Variants in GPRC5B observed in about 807,000 individuals in gnomAD.
The protein encoded by GPRC5B is G protein-coupled receptor class C group 5 member B, also known as G protein-coupled receptor family C group 5 member B.
GPRC5B carries 16 observed loss-of-function variants against 30.1 expected under a neutral mutation model. That is an observed-to-expected ratio of 0.53 (90% CI 0.36 to 0.81). The LOEUF is 0.81. GPRC5B is among the 30% of genes least tolerant of loss of function. The pLI is 0.01. For missense variants in GPRC5B, 428 were observed against 544.7 expected, an observed-to-expected ratio of 0.79 and a Z score of 2.13; for synonymous variants, 241 against 239.5, an observed-to-expected ratio of 1.01 and a Z score of -0.06.
rs918187171 is a variant in GPRC5B, at chr16:19,858,211, T to C, written c.*2289A>G. On this transcript the variant is annotated 3_prime_UTR_variant, in exon 4 of 4. Coordinates refer to ENST00000300571, the MANE Select transcript of GPRC5B (RefSeq NM_016235.3). ...ATTAGAAAAAGAACAGCTCTCTCCC[T>C]TCTCCTCTCACTCCCGCCTCCGCCC... 1.2e-5 allele frequency: 4 copies of C among 333,042 alleles called. No individual in the cohort carries two copies. The highest frequency in any genetic ancestry group is 1.6e-5 in the Non-Finnish European group (3 of 185,460). 20.6% of individuals were successfully genotyped at this position (333,042 alleles called of 1,614,324 possible).
chr16:19,880,048 C>G (rs1221269127), intron 1 of GPRC5B, among the ~76,000 whole-genome samples: 1 of 151,682 alleles, frequency 6.6e-6, no homozygotes, highest in Non-Finnish European at 1.5e-5. Flanking sequence ...GTGGGAGGAT[C>G]GCTTGAGCCC....
chr16:19,861,102 A>AAAAAAAG (rs1555457899), intron 3 of GPRC5B, among the ~76,000 whole-genome samples: 1 of 151,748 alleles, frequency 6.6e-6, no homozygotes, highest in Non-Finnish European at 1.5e-5. Flanking sequence ...AAAAAAAAAA[A>AAAAAAAG]AAGAAGAATG....
upstream of GPRC5B, chr16:19,884,878 C>A: frequency 2.0e-6 from 2 of 980,124 alleles, no homozygotes; most frequent in East Asian, 2.3e-4. Context: ...GCGCGAGGCG[C>A]CCCCTGGCCC....
At position 19,858,855 on chromosome 16, in the gene GPRC5B, AC is replaced by A; in HGVS notation, c.*1644del. The A allele has an allele frequency of 3.5e-6, 1 of 285,488 alleles. No homozygotes were observed. 17.7% of individuals were successfully genotyped at this position (285,488 alleles called of 1,614,324 possible). A position where few individuals can be genotyped will look rare whatever the true frequency, so the allele number is the denominator to read the frequency against. On this transcript the variant is annotated 3_prime_UTR_variant, in exon 4 of 4. Transcript: ENST00000300571. ...CATGCGTGGTAACACAAGGAAATGTACTAACTGTTAAGGAAAACTCGAAGGC... is the reference window on the plus strand; with the variant it reads ...CATGCGTGGTAACACAAGGAAATGTATAACTGTTAAGGAAAACTCGAAGGC...
At chr16:19,877,759 G>T (rs973048402) in intron 1 of GPRC5B, among the ~76,000 whole-genome samples, 1 of 152,194 alleles carries the variant, frequency 6.6e-6, no homozygotes, top group Admixed American at 6.6e-5. Context: ...AAGACAGCAG[G>T]CTTGTCCAAG....
At chr16:19,885,041 G>C (rs1452497372), upstream of GPRC5B, 2 of 633,118 alleles carry the variant, frequency 3.2e-6, no homozygotes, top group East Asian at 2.2e-4. The surrounding 1 kb of genome is among the most constrained non-coding windows in gnomAD (Gnocchi z 5.3). Context: ...CAAGCTCGTA[G>C]CTTCTAGCCC....
Position 19,872,109 on chromosome 16 carries a change from A to T in GPRC5B, c.737T>A (p.Ile246Asn). The change falls in exon 2 of 4, where the codon ATC becomes AAC. Residue 246 changes from isoleucine to asparagine, a missense_variant. Transcript: ENST00000300571. This position sits in a 1 kb window ranked among gnomAD's most constrained non-coding sequence, Gnocchi z 5.0. Reference sequence around the variant, plus strand: ...GTACATGGTCATCCAGGCCACCCAGATGAGCACAGAGAGGAAGGCTGTGAT... The same window carrying T: ...GTACATGGTCATCCAGGCCACCCAGTTGAGCACAGAGAGGAAGGCTGTGAT... Reference protein sequence around the residue: ...LLITAFLSVLIWVAWMTMYLF... With the variant: ...LLITAFLSVLNWVAWMTMYLF... 1 of 1,614,136 alleles carries T rather than the reference A, an allele frequency of 6.2e-7. No homozygotes were observed. The highest frequency in any genetic ancestry group is 8.5e-7 in the Non-Finnish European group (1 of 1,180,026).
At chr16:19,884,908 G>A (rs1169324487), upstream of GPRC5B, 15 of 968,208 alleles carry the variant, frequency 1.5e-5, 2 homozygotes, top group South Asian at 3.7e-4. Flanking sequence ...TGCTGCAGCG[G>A]CCGCGGCCCC....
Position 19,858,277 on chromosome 16 carries a change from C to T in GPRC5B, c.*2223G>A. The T allele has an allele frequency of 2.5e-6, 1 of 407,560 alleles. No individual in the cohort carries two copies. Among genetic ancestry groups the T allele is most frequent in the African/African-American group, 2.0e-5 (1 of 48,904 alleles). 25.2% of individuals were successfully genotyped at this position (407,560 alleles called of 1,614,324 possible). ...TCAGCCCACTCTCAACCTTAAAAGCCAAAATAAAACAAAACCCTAAGTGCG... is the reference window on the plus strand; with the variant it reads ...TCAGCCCACTCTCAACCTTAAAAGCTAAAATAAAACAAAACCCTAAGTGCG... On this transcript the variant is annotated 3_prime_UTR_variant, in exon 4 of 4. Transcript: ENST00000300571.
At chr16:19,869,544 A>C (rs1050415410) in intron 2 of GPRC5B, among the ~76,000 whole-genome samples, 2 of 151,970 alleles carry the variant, frequency 1.3e-5, no homozygotes, top group East Asian at 1.9e-4. Context: ...GATACTTTTC[A>C]AGTATCAATA....
intron 1 of GPRC5B, among the ~76,000 whole-genome samples, chr16:19,884,401 C>A (rs1425979511): frequency 6.6e-6 from 1 of 151,584 alleles, no homozygotes. Context: ...CTTTACCCTC[C>A]CAGCTGCCCT....
chr16:19,885,599 C>T, upstream of GPRC5B: 1 of 1,038,516 alleles, frequency 9.6e-7, no homozygotes, highest in Non-Finnish European at 1.2e-6. The surrounding 1 kb of genome is among the most constrained non-coding windows in gnomAD (Gnocchi z 5.3). Flanking sequence ...ACACATCACC[C>T]ACGTACGCAC....
chr16:19,879,510 C>T (rs1597635029), intron 1 of GPRC5B, among the ~76,000 whole-genome samples: 3 of 109,632 alleles, frequency 2.7e-5, no homozygotes, highest in African/African-American at 9.1e-5. Flanking sequence ...GGAGGAACAG[C>T]ACACTCTATC....
upstream of GPRC5B, chr16:19,885,306 A>G: frequency 8.0e-7 from 1 of 1,255,934 alleles, no homozygotes; most frequent in Non-Finnish European, 1.0e-6. The surrounding 1 kb of genome is among the most constrained non-coding windows in gnomAD (Gnocchi z 5.3). Flanking sequence ...GAAACACACC[A>G]GCACCAGGTC....
chr16:19,871,919 G>C lies in GPRC5B; in HGVS notation c.927C>G (p.Asp309Glu), dbSNP rs771004841. 3.1e-6 allele frequency: 5 copies of C among 1,614,022 alleles called. No individual in the cohort carries two copies. The South Asian group carries it at 5.5e-5, about 18-fold the overall frequency. The change falls in exon 2 of 4, where the codon GAC becomes GAG. Residue 309 changes from aspartate to glutamate, a missense_variant. By Grantham distance (45) the Asp-to-Glu change is conservative. This residue lies in a region of GPRC5B where 213 missense variants were observed against 229.1 expected (regional missense o/e 0.93). Transcript: ENST00000300571. ...TCTCCCGCATCCTGGGCTGCGACGT[G>C]TCGAAGTAGTTGGGCGTGTTCTCCT... ...ALQENTPNYF[D>E]TSQPRMRETA... is the part of the protein sequence containing the mutation.
chr16:19,862,978 T>A (rs1468046961), intron 2 of GPRC5B, among the ~76,000 whole-genome samples: 1 of 152,172 alleles, frequency 6.6e-6, no homozygotes, highest in East Asian at 1.9e-4. Context: ...TTGTTTTTGC[T>A]TTTGTTTGTT....
In GPRC5B at chr16:19,872,920, T is replaced by G; in HGVS notation, c.-1-74A>C. The G allele has an allele frequency of 9.0e-7, 1 of 1,111,308 alleles. No homozygotes were observed. Among genetic ancestry groups the G allele is most frequent in the South Asian group, 1.4e-5 (1 of 71,924 alleles). 68.8% of individuals were successfully genotyped at this position (1,111,308 alleles called of 1,614,324 possible). On this transcript the variant is annotated intron_variant, in intron 1 of 3. Coordinates refer to ENST00000300571, the MANE Select transcript of GPRC5B (RefSeq NM_016235.3). The surrounding 1 kb of genome is among the most constrained non-coding windows in gnomAD (Gnocchi z 5.0). ...ATTGGAAGACTCCCCCTCTCCTGAC[T>G]TCTTGAAGAAGACTCGCCTCATTTC...
rs902506145 is a variant in GPRC5B, at chr16:19,859,445, T to A, written c.*1055A>T. ...TGTGATCCATTCCATCCAGGAATTT[T>A]CACCATAGCAACGGAAAGGACCCGA... is the stretch of plus-strand genomic sequence containing the variant. On this transcript the variant is annotated 3_prime_UTR_variant, in exon 4 of 4. Coordinates refer to ENST00000300571, the MANE Select transcript of GPRC5B (RefSeq NM_016235.3). 4 of 152,230 alleles carry A rather than the reference T, an allele frequency of 2.6e-5. No homozygotes were observed. Among genetic ancestry groups the A allele is most frequent in the Admixed American group, 2.6e-4 (4 of 15,278 alleles). The allele number at this position is 152,230 out of a possible 1,614,324, so 9.4% of individuals were successfully genotyped here.
At chr16:19,883,537 T>G (rs1260289911) in intron 1 of GPRC5B, among the ~76,000 whole-genome samples, 1 of 152,264 alleles carries the variant, frequency 6.6e-6, no homozygotes, top group African/African-American at 2.4e-5. Flanking sequence ...TTGGCTGAAG[T>G]GCCGGGGTTT....
Sources: gnomAD v4.1 joint callset for allele counts (sites outside exome capture counted in the v4.1 genomes callset) on GRCh38, gnomAD v4.1.1 for gene constraint, gnomAD v4.1.1 regional missense constraint, Gnocchi (gnomAD v3.1) non-coding constraint, MANE v1.5 for transcripts, NCBI Gene and HGNC (gene_info 2026-07-23, HGNC 2026-07-21) for gene names.